The following CRB1 variants were observed in gnomAD, a reference collection of about 807,000 sequenced individuals.
CRB1 encodes the protein crumbs cell polarity complex component 1.
Under a neutral mutation model 120.0 loss-of-function variants are expected in CRB1, and 83 were observed. The observed-to-expected ratio is 0.69, with a 90% CI of 0.58 to 0.83. The LOEUF is 0.83. Ranked by LOEUF, CRB1 falls within the 40% of genes least tolerant of loss-of-function variation. CRB1 has a pLI of 0.00. For synonymous variants in CRB1, 625 were observed against 612.5 expected, an observed-to-expected ratio of 1.02 and a Z score of -0.30; for missense variants, 1,699 against 1,687.6, an observed-to-expected ratio of 1.01 and a Z score of -0.12.
intron 5 of CRB1, among the ~76,000 whole-genome samples, chr1:197,391,266 T>C (rs1236873431): frequency 6.6e-6 from 1 of 152,128 alleles, no homozygotes; most frequent in Middle Eastern, 3.2e-3. Flanking sequence ...AGAAACCTTA[T>C]AAAATCATTT....
At chr1:197,249,885 A>G in the CRB1 span, among the ~76,000 whole-genome samples, 1 of 152,014 alleles carries the variant, frequency 6.6e-6, no homozygotes, top group African/African-American at 2.4e-5. Flanking sequence ...TTTTGAAACT[A>G]AGGAATAGGC....
intron 4 of CRB1, among the ~76,000 whole-genome samples, chr1:197,350,628 G>A (rs770545068): frequency 1.3e-5 from 2 of 152,260 alleles, no homozygotes; most frequent in African/African-American, 4.8e-5. Context: ...TTCTAGTAGC[G>A]AGACATATGT....
At chr1:197,391,480 G>T (rs546026842) in intron 5 of CRB1, among the ~76,000 whole-genome samples, 3 of 152,082 alleles carry the variant, frequency 2.0e-5, no homozygotes, top group Admixed American at 2.0e-4. Flanking sequence ...CTGTGAAGTT[G>T]TCACTGTAAT....
chr1:197,340,610 G>A (rs1659396638), intron 2 of CRB1, among the ~76,000 whole-genome samples: 1 of 152,130 alleles, frequency 6.6e-6, no homozygotes, highest in Non-Finnish European at 1.5e-5. Context: ...TGGCACCTTA[G>A]ATCCATTTCT....
chr1:197,341,201 T>C (rs1229200765), intron 2 of CRB1, among the ~76,000 whole-genome samples: 1 of 152,048 alleles, frequency 6.6e-6, no homozygotes, highest in Non-Finnish European at 1.5e-5. Context: ...GCCATTGAGA[T>C]CTCAATGCCT....
intron 5 of CRB1, among the ~76,000 whole-genome samples, chr1:197,413,343 G>A (rs1016260649): frequency 8.5e-5 from 13 of 152,140 alleles, no homozygotes; most frequent in African/African-American, 3.1e-4. Flanking sequence ...TTCTCTGAGA[G>A]CACCACACAA....
intron 1 of CRB1, among the ~76,000 whole-genome samples, chr1:197,299,495 A>G (rs1656739433): frequency 6.6e-6 from 1 of 152,100 alleles, no homozygotes; most frequent in African/African-American, 2.4e-5. Context: ...AAGTAATTCC[A>G]CTCCTACACA....
At chr1:197,466,679 T>A (rs1225940688) in intron 11 of CRB1, among the ~76,000 whole-genome samples, 2 of 152,196 alleles carry the variant, frequency 1.3e-5, no homozygotes, top group African/African-American at 4.8e-5. Flanking sequence ...ATAAATATGA[T>A]GACACAGACT....
At chr1:197,379,605 C>CAAAAAAAAAAAA (rs75820081) in intron 5 of CRB1, among the ~76,000 whole-genome samples, 1 of 74,386 alleles carries the variant, frequency 1.3e-5, no homozygotes, top group African/African-American at 5.4e-5. Context: ...CGGCCCCGGC[C>CAAAAAAAAAAAA]AAAAAAAAAA....
intron 4 of CRB1, 55 bp from the exon 5 acceptor site, chr1:197,356,776 G>A (rs2125354089): frequency 5.1e-6 from 8 of 1,578,166 alleles, no homozygotes; most frequent in East Asian, 2.2e-5. Context: ...TTAGGCAAAT[G>A]CTCTATAATT....
intron 4 of CRB1, among the ~76,000 whole-genome samples, chr1:197,353,972 A>T (rs1434892469): frequency 1.3e-5 from 2 of 151,286 alleles, no homozygotes; most frequent in Admixed American, 1.3e-4. Flanking sequence ...CTTACAAATC[A>T]ATATGGAAAA....
intron 1 of CRB1, among the ~76,000 whole-genome samples, chr1:197,297,644 A>G (rs1656610610): frequency 6.6e-6 from 1 of 152,118 alleles, no homozygotes; most frequent in Non-Finnish European, 1.5e-5. Context: ...ATATCAATCT[A>G]TACGTAGCAA....
At chr1:197,239,757 C>T in the CRB1 span, among the ~76,000 whole-genome samples, 1 of 150,166 alleles carries the variant, frequency 6.7e-6, no homozygotes, top group Admixed American at 6.6e-5. Context: ...TTTTAATTTC[C>T]CTATTTTTTT....
At chr1:197,357,271 T>C (rs1660537947) in intron 5 of CRB1, 7 of 531,086 alleles carry the variant, frequency 1.3e-5, no homozygotes, top group African/African-American at 7.6e-5. Context: ...GGAACTGGAG[T>C]GCATCTCAAG....
intron 6 of CRB1, 96 bp downstream of exon 6, chr1:197,422,052 C>G (rs899066199): frequency 8.8e-7 from 1 of 1,131,374 alleles, no homozygotes. Flanking sequence ...TGCTATGAAA[C>G]ATAATGACCC....
intron 1 of CRB1, among the ~76,000 whole-genome samples, chr1:197,272,748 G>C (rs1040994141): frequency 1.3e-5 from 2 of 152,154 alleles, no homozygotes; most frequent in Admixed American, 6.5e-5. Context: ...GACATGGAAT[G>C]ATCAGTGGCT....
At chr1:197,271,836 TA>T (rs1328627407) in intron 1 of CRB1, among the ~76,000 whole-genome samples, 1 of 151,966 alleles carries the variant, frequency 6.6e-6, no homozygotes, top group East Asian at 1.9e-4. Flanking sequence ...AATTTGGGGG[TA>T]AACAATATTT....
intron 1 of CRB1, among the ~76,000 whole-genome samples, chr1:197,278,743 C>T (rs2125214645): frequency 6.6e-6 from 1 of 151,932 alleles, no homozygotes; most frequent in South Asian, 2.1e-4. Flanking sequence ...AATTTATAAA[C>T]AAATTTCTTT....
rs545481816 is a variant in CRB1 at position 197,405,942 on chromosome 1, G to A, written c.1172-15058G>A. On this transcript the variant is annotated intron_variant, in intron 5 of 11. Transcript: ENST00000367400. ...CCCGCCAGGCCAGCCGTCCCGTCCG[G>A]GAGGGAGGTGGGGGGGTCAGCCCCC... 4.2e-4 allele frequency among the ~76,000 whole-genome samples: 63 copies of A among 151,468 alleles called. No individual in the cohort carries two copies. The East Asian group carries it at 7.8e-3, about 19-fold the overall frequency.
Sources: gnomAD v4.1 joint callset for allele counts (sites outside exome capture counted in the v4.1 genomes callset) on GRCh38, gnomAD v4.1.1 for gene constraint, MANE v1.5 for transcripts, NCBI Gene and HGNC (gene_info 2026-07-23, HGNC 2026-07-21) for gene names.